The following PGM5 variants were observed in gnomAD, a reference collection of about 807,000 sequenced individuals.
The protein encoded by PGM5 is phosphoglucomutase-like protein 5.
A neutral mutation model predicts 59.2 loss-of-function variants in PGM5; 23 were observed. That is an observed-to-expected ratio of 0.39 (90% CI 0.28 to 0.55). The LOEUF (loss-of-function observed/expected upper bound fraction) is 0.55, where lower values mean the gene tolerates loss of function less well. Among genes scored for constraint, PGM5 ranks in the 20% least tolerant of loss-of-function variants. PGM5 has a pLI of 0.66. For synonymous variants in PGM5, 214 were observed against 286.0 expected (o/e 0.75, Z 2.54); for missense variants, 574 against 748.3 (o/e 0.77, Z 2.72).
intron 1 of PGM5, among the ~76,000 whole-genome samples, chr9:68,369,986 T>C (rs1160679820): frequency 4.6e-4 from 70 of 152,028 alleles, no homozygotes; most frequent in Non-Finnish European, 8.4e-4. Flanking sequence ...ACTTAAGGAC[T>C]GGCATTCTGC....
Position 68,483,939 on chromosome 9 carries a change from A to T in PGM5, c.1370A>T (p.Lys457Ile). 3 of 1,614,150 alleles carry T rather than the reference A, an allele frequency of 1.9e-6. No individual in the cohort carries two copies. Among genetic ancestry groups the T allele is most frequent in the Non-Finnish European group, 2.5e-6 (3 of 1,180,004 alleles). Residue 457 changes from lysine (K) to isoleucine (I), a missense_variant, in exon 9 of 11, where the codon AAA becomes ATA. By Grantham distance (102) the Lys-to-Ile change is moderately radical. This residue lies in a region of PGM5 where 300 missense variants were observed against 280.0 expected (regional missense o/e 1.07). Transcript: ENST00000396396. ...GACCTGGAGGCCCTGGTCACAGACA[A>T]ATCCTTCATTGGCCAGCAGTTTGCT... ...MRDLEALVTD[K>I]SFIGQQFAVG...
chr9:68,483,295 C>T lies in PGM5; in HGVS notation c.1296-570C>T, dbSNP rs148683121. On this transcript the variant is annotated intron_variant, in intron 8 of 10. Transcript: ENST00000396396. Reference sequence around the variant, plus strand: ...TATGAAGGGTGATGAGAGAAGAAGACGAGTGGGGAAGCTGCCTTAGATAGA... The same window carrying T: ...TATGAAGGGTGATGAGAGAAGAAGATGAGTGGGGAAGCTGCCTTAGATAGA... Among the ~76,000 whole-genome samples, 200 of 152,214 alleles carry T rather than the reference C, an allele frequency of 1.3e-3. 1 individual carries two copies. The highest frequency in any genetic ancestry group is 4.5e-3 in the African/African-American group (188 of 41,528).
chr9:68,381,238 A>G (rs1787713345), intron 2 of PGM5, among the ~76,000 whole-genome samples: 1 of 151,962 alleles, frequency 6.6e-6, no homozygotes. Context: ...TATCCCTGAC[A>G]TGCAAGACTG....
intron 7 of PGM5, among the ~76,000 whole-genome samples, chr9:68,474,682 G>C (rs1824076165): frequency 6.6e-6 from 1 of 151,826 alleles, no homozygotes; most frequent in South Asian, 2.1e-4. Context: ...GGGCTGCTCA[G>C]AGTAAGATTG....
intron 6 of PGM5, among the ~76,000 whole-genome samples, chr9:68,415,149 C>G (rs1823002094): frequency 6.7e-6 from 1 of 149,312 alleles, no homozygotes; most frequent in African/African-American, 2.6e-5. Context: ...GGCTTCCTGT[C>G]CATTTACTTT....
chr9:68,516,921 G>C (rs1371387060), intron 10 of PGM5, among the ~76,000 whole-genome samples: 1 of 152,016 alleles, frequency 6.6e-6, no homozygotes, highest in South Asian at 2.1e-4. Context: ...GCCCAGGCTG[G>C]AGTGCAATGG....
intron 6 of PGM5, among the ~76,000 whole-genome samples, chr9:68,438,799 G>A (rs530256272): frequency 5.3e-5 from 8 of 152,264 alleles, no homozygotes; most frequent in African/African-American, 1.7e-4. Context: ...GTTCTGTTTC[G>A]AGGAACTTAA....
At chr9:68,505,867 GA>G (rs1824645869) in intron 10 of PGM5, among the ~76,000 whole-genome samples, 2 of 152,310 alleles carry the variant, frequency 1.3e-5, no homozygotes, top group Non-Finnish European at 2.9e-5. Flanking sequence ...GGGTGGGGCT[GA>G]ACATTCAAAC....
intron 2 of PGM5, among the ~76,000 whole-genome samples, chr9:68,383,119 TTGG>T (rs1224290092): frequency 1.3e-5 from 2 of 151,850 alleles, no homozygotes; most frequent in Non-Finnish European, 2.9e-5. Flanking sequence ...AAGAAAATTG[TTGG>T]TAAAATCTTC....
chr9:68,426,413 C>T (rs573244511), intron 6 of PGM5, among the ~76,000 whole-genome samples: 7 of 152,222 alleles, frequency 4.6e-5, no homozygotes, highest in African/African-American at 1.4e-4. Flanking sequence ...GATCTTTGTT[C>T]ATATGTATAT....
chr9:68,464,879 A>G (rs997561532), intron 6 of PGM5, among the ~76,000 whole-genome samples: 5 of 152,212 alleles, frequency 3.3e-5, no homozygotes, highest in Non-Finnish European at 7.3e-5. Flanking sequence ...ATTATTTTCT[A>G]TATGGTGGAG....
At position 68,357,172 on chromosome 9, in the gene PGM5, C is replaced by T. The variant is rs541351359; in HGVS notation, c.45C>T (p.Pro15=). 18 of 1,537,472 alleles carry T rather than the reference C, an allele frequency of 1.2e-5. No homozygotes were observed. In the African/African-American group the frequency reaches 2.3e-4, roughly 20 times the overall value. ...PIPVLTVPTA[P]YEDQRPAGGG... ...CGGTGCTGACAGTGCCCACCGCGCC[C>T]TACGAGGACCAGCGGCCGGCCGGCG... Residue 15 remains proline (P), a synonymous_variant, in exon 1 of 11, where the codon CCC becomes CCT. Transcript: ENST00000396396.
At chr9:68,430,986 C>T (rs1823335339) in intron 6 of PGM5, among the ~76,000 whole-genome samples, 2 of 152,228 alleles carry the variant, frequency 1.3e-5, no homozygotes, top group Admixed American at 6.5e-5. Context: ...ATACAGGTGT[C>T]ATACCCACCT....
At chr9:68,436,967 G>A (rs1287511248) in intron 6 of PGM5, among the ~76,000 whole-genome samples, 1 of 152,160 alleles carries the variant, frequency 6.6e-6, no homozygotes, top group Non-Finnish European at 1.5e-5. Context: ...AAGTGAACCA[G>A]CTTGGAAATA....
At chr9:68,406,679 T>C (rs1822819651) in intron 6 of PGM5, among the ~76,000 whole-genome samples, 1 of 4,098 alleles carries the variant, frequency 2.4e-4, no homozygotes, top group Admixed American at 3.2e-3. Context: ...TATATATATG[T>C]ATATATATAT....
At chr9:68,424,098 G>C (rs1002692821) in intron 6 of PGM5, among the ~76,000 whole-genome samples, 3 of 152,164 alleles carry the variant, frequency 2.0e-5, no homozygotes, top group African/African-American at 7.2e-5. Context: ...CAGACCTCAT[G>C]ATGAACGAGG....
intron 10 of PGM5, among the ~76,000 whole-genome samples, chr9:68,505,749 C>T (rs538456493): frequency 6.6e-6 from 1 of 152,274 alleles, no homozygotes; most frequent in African/African-American, 2.4e-5. Flanking sequence ...AACCCTGTTG[C>T]TGAAGTGTTC....
At chr9:68,523,636 A>G (rs1824930261) in intron 10 of PGM5, among the ~76,000 whole-genome samples, 1 of 152,152 alleles carries the variant, frequency 6.6e-6, no homozygotes, top group South Asian at 2.1e-4. Flanking sequence ...GGATGCCAGA[A>G]TGTCAGTGTT....
intron 6 of PGM5, among the ~76,000 whole-genome samples, chr9:68,440,733 C>T (rs1276014943): frequency 6.6e-6 from 1 of 151,806 alleles, no homozygotes; most frequent in African/African-American, 2.4e-5. Context: ...AAAGGTTTCA[C>T]ATCAATAAAC....
Sources: gnomAD v4.1 joint callset for allele counts (sites outside exome capture counted in the v4.1 genomes callset) on GRCh38, gnomAD v4.1.1 for gene constraint, gnomAD v4.1.1 regional missense constraint, MANE v1.5 for transcripts, NCBI Gene and HGNC (gene_info 2026-07-23, HGNC 2026-07-21) for gene names.